PIGL: variants seen among roughly 807,000 people sequenced by gnomAD.
PIGL encodes the protein N-acetylglucosaminyl-phosphatidylinositol de-N-acetylase.
Under a neutral mutation model 31.1 loss-of-function variants are expected in PIGL, and 22 were observed. That is an observed-to-expected ratio of 0.71 (90% CI 0.51 to 1.01). The LOEUF (loss-of-function observed/expected upper bound fraction) is 1.01. Ranked by LOEUF, PIGL falls within the 50% of genes least tolerant of loss-of-function variation. The pLI, the probability that PIGL is intolerant of heterozygous loss-of-function variation, is 0.00. For missense variants in PIGL, 302 were observed against 315.9 expected (o/e 0.96, Z 0.33); for synonymous variants, 131 against 117.4 (o/e 1.12, Z -0.75).
At chr17:16,271,563 G>A (rs909151035) in intron 2 of PIGL, among the ~76,000 whole-genome samples, 1 of 146,234 alleles carries the variant, frequency 6.8e-6, no homozygotes, top group African/African-American at 2.6e-5. Flanking sequence ...ATGGAGTTTT[G>A]CTCTGTCGCC....
intron 2 of PIGL, among the ~76,000 whole-genome samples, chr17:16,267,703 GA>G (rs1191300990): frequency 7.5e-6 from 1 of 133,430 alleles, no homozygotes; most frequent in East Asian, 2.0e-4. Flanking sequence ...TCAAAAAAAA[GA>G]AAAAAAGAAA....
intron 3 of PIGL, among the ~76,000 whole-genome samples, chr17:16,307,815 T>C (rs2093032334): frequency 6.6e-6 from 1 of 151,424 alleles, no homozygotes; most frequent in Admixed American, 6.6e-5. Context: ...GAAAGAAATT[T>C]TTTTAAGTAG....
intron 4 of PIGL, among the ~76,000 whole-genome samples, chr17:16,314,112 T>A (rs1157614269): frequency 6.6e-6 from 1 of 152,186 alleles, no homozygotes; most frequent in African/African-American, 2.4e-5. Context: ...TTCTTCACAG[T>A]CACCCGATTT....
chr17:16,232,205 G>C (rs1008323389), intron 1 of PIGL, among the ~76,000 whole-genome samples: 1 of 152,136 alleles, frequency 6.6e-6, no homozygotes, highest in Admixed American at 6.5e-5. Context: ...TTGCACCTGA[G>C]AGGCGGAGGT....
chr17:16,225,332 G>T lies in PIGL; in HGVS notation c.235+7871G>T, dbSNP rs183862956. ...TCTTTGTTCTAGTAATTCATTCGGG[G>T]TGACTCGGTTCCATGTGTATTTTGT... On this transcript the variant is annotated intron_variant, in intron 1 of 6. Transcript: ENST00000225609. 4.6e-5 allele frequency among the ~76,000 whole-genome samples: 7 copies of T among 150,646 alleles called. No individual in the cohort carries two copies. The East Asian group carries it at 1.4e-3, about 29-fold the overall frequency.
At chr17:16,278,214 C>T (rs1465289504) in intron 2 of PIGL, among the ~76,000 whole-genome samples, 2 of 152,152 alleles carry the variant, frequency 1.3e-5, no homozygotes, top group African/African-American at 4.8e-5. Context: ...AGCCACCACG[C>T]CTGGCTAATT....
chr17:16,283,707 G>T (rs937254560), intron 2 of PIGL, among the ~76,000 whole-genome samples: 1 of 152,184 alleles, frequency 6.6e-6, no homozygotes. Flanking sequence ...TGAATAGTGT[G>T]AAGATTTTGT....
intron 2 of PIGL, among the ~76,000 whole-genome samples, chr17:16,295,419 GTATATA>G (rs1230214606): frequency 6.9e-6 from 1 of 145,128 alleles, no homozygotes; most frequent in Non-Finnish European, 1.5e-5. Context: ...AAAAAAAAAA[GTATATA>G]TATATATGTA....
At chr17:16,268,012 G>A (rs2092852607) in intron 2 of PIGL, among the ~76,000 whole-genome samples, 1 of 152,210 alleles carries the variant, frequency 6.6e-6, no homozygotes, top group South Asian at 2.1e-4. Context: ...CCAGACCAGG[G>A]AGGGGAGGAG....
At chr17:16,247,856 A>G (rs901203896) in intron 2 of PIGL, among the ~76,000 whole-genome samples, 4 of 151,436 alleles carry the variant, frequency 2.6e-5, no homozygotes, top group African/African-American at 9.7e-5. Context: ...GTTCAGTCAC[A>G]CCAGAGTGCT....
In PIGL at chr17:16,326,089, AG is replaced by A. The variant is rs1383653422; in HGVS notation, c.*192del. ...CTTCTTCCCCTGGGAAAAAACCCAA[AG>A]AACCAAAAACAAACCACCCCAAGGA... On this transcript the variant is annotated 3_prime_UTR_variant, in exon 7 of 7. Transcript: ENST00000225609. The A allele has an allele frequency of 1.8e-6, 1 of 570,656 alleles. No individual in the cohort carries two copies. Among genetic ancestry groups the A allele is most frequent in the African/African-American group, 1.9e-5 (1 of 53,176 alleles). The allele number at this position is 570,656 out of a possible 1,614,324, so 35.3% of individuals were successfully genotyped here.
intron 2 of PIGL, among the ~76,000 whole-genome samples, chr17:16,282,727 A>G (rs894312608): frequency 2.0e-5 from 3 of 152,204 alleles, no homozygotes; most frequent in Non-Finnish European, 4.4e-5. Context: ...AGTTGGTGAA[A>G]GAGTCAGTGC....
chr17:16,269,700 A>G (rs1382342363), intron 2 of PIGL, among the ~76,000 whole-genome samples: 1 of 151,882 alleles, frequency 6.6e-6, no homozygotes, highest in African/African-American at 2.4e-5. Context: ...TAAAACACAG[A>G]TACCTAGGCT....
At chr17:16,287,056 C>T (rs1424251679) in intron 2 of PIGL, among the ~76,000 whole-genome samples, 2 of 152,246 alleles carry the variant, frequency 1.3e-5, no homozygotes, top group East Asian at 1.9e-4. Flanking sequence ...CTTAAATGTA[C>T]AATGATTTCA....
chr17:16,320,754 C>A (rs1257790130), intron 6 of PIGL, among the ~76,000 whole-genome samples: 1 of 151,448 alleles, frequency 6.6e-6, no homozygotes, highest in East Asian at 1.9e-4. Context: ...TCTGTCTCAG[C>A]CTCTCCAGTA....
intron 3 of PIGL, among the ~76,000 whole-genome samples, chr17:16,310,828 G>C (rs898138922): frequency 3.9e-5 from 6 of 152,146 alleles, no homozygotes; most frequent in African/African-American, 1.4e-4. Context: ...TTCCTGCAGC[G>C]TAGCACGCCT....
chr17:16,218,893 G>A (rs1383874082), intron 1 of PIGL, among the ~76,000 whole-genome samples: 1 of 151,262 alleles, frequency 6.6e-6, no homozygotes, highest in Non-Finnish European at 1.5e-5. Flanking sequence ...TAGCCAGGCT[G>A]GTCTCAAACT....
At chr17:16,220,850 C>T (rs926370263) in intron 1 of PIGL, among the ~76,000 whole-genome samples, 17 of 151,852 alleles carry the variant, frequency 1.1e-4, no homozygotes, top group Admixed American at 1.1e-3. Context: ...CCAAACTGGT[C>T]TCGAACTCCT....
intron 2 of PIGL, among the ~76,000 whole-genome samples, chr17:16,239,496 A>AG: frequency 6.7e-6 from 1 of 150,016 alleles, no homozygotes; most frequent in Non-Finnish European, 1.5e-5. Flanking sequence ...AAAATAAAAA[A>AG]GAAAAAAAAA....
Sources: gnomAD v4.1 joint callset for allele counts (sites outside exome capture counted in the v4.1 genomes callset) on GRCh38, gnomAD v4.1.1 for gene constraint, MANE v1.5 for transcripts, NCBI Gene and HGNC (gene_info 2026-07-23, HGNC 2026-07-21) for gene names.